ZMAT4: variants seen among roughly 807,000 people sequenced by gnomAD.
ZMAT4 encodes zinc finger matrin-type protein 4.
ZMAT4 carries 17 observed loss-of-function variants against 28.7 expected under a neutral mutation model. The observed-to-expected ratio is 0.59, with a 90% CI of 0.41 to 0.89. ZMAT4 has a LOEUF of 0.89. ZMAT4 is among the 40% of genes least tolerant of loss of function. The pLI is 0.00. For synonymous variants in ZMAT4, 117 were observed against 109.2 expected (o/e 1.07, Z -0.44); for missense variants, 240 against 283.8 (o/e 0.85, Z 1.11).
intron 6 of ZMAT4, among the ~76,000 whole-genome samples, chr8:40,562,033 G>A (rs1305761999): frequency 2.0e-5 from 3 of 152,112 alleles, no homozygotes; most frequent in Non-Finnish European, 2.9e-5. Flanking sequence ...CCTAGGGCAC[G>A]GTTCTTTCTC....
intron 6 of ZMAT4, among the ~76,000 whole-genome samples, chr8:40,539,746 TGTACAATAGA>T (rs1313396307): frequency 5.3e-5 from 8 of 152,236 alleles, no homozygotes; most frequent in Non-Finnish European, 7.3e-5. Flanking sequence ...ATGTAGCTCT[TGTACAATAGA>T]GTTTGTCAGG....
At chr8:40,703,108 G>T (rs1810215066) in intron 3 of ZMAT4, among the ~76,000 whole-genome samples, 1 of 152,108 alleles carries the variant, frequency 6.6e-6, no homozygotes, top group African/African-American at 2.4e-5. Flanking sequence ...TGTGACCAGA[G>T]GTCTCCCAGA....
chr8:40,760,680 ATCTC>A (rs35049635), intron 3 of ZMAT4, among the ~76,000 whole-genome samples: 1 of 142,484 alleles, frequency 7.0e-6, no homozygotes, highest in South Asian at 2.2e-4. Flanking sequence ...GACCGCAAAG[ATCTC>A]TCTCTCTCTC....
intron 6 of ZMAT4, among the ~76,000 whole-genome samples, chr8:40,578,368 T>C (rs1447693086): frequency 3.3e-5 from 5 of 152,100 alleles, no homozygotes; most frequent in Non-Finnish European, 5.9e-5. Context: ...ACTAGGTGGA[T>C]CAAAGACCTA....
chr8:40,632,839 A>G (rs1301429447), intron 5 of ZMAT4, among the ~76,000 whole-genome samples: 1 of 152,232 alleles, frequency 6.6e-6, no homozygotes, highest in African/African-American at 2.4e-5. Flanking sequence ...TAACTCATCA[A>G]AACTGTGATT....
chr8:40,661,520 A>C (rs151125978), intron 5 of ZMAT4, among the ~76,000 whole-genome samples: 2,477 of 152,366 alleles, frequency 0.016, 38 homozygotes, highest in Non-Finnish European at 0.021. Context: ...AATCACTTAG[A>C]GAATCCCATC....
In ZMAT4 at chr8:40,891,031, G is replaced by A. The variant is rs1030283036; in HGVS notation, c.-5+6652C>T. Among the ~76,000 whole-genome samples the A allele has an allele frequency of 7.9e-5, 12 of 151,094 alleles. 1 individual carries two copies. Among genetic ancestry groups the A allele is most frequent in the African/African-American group, 2.2e-4 (9 of 41,014 alleles). ...CTGACTATATTCCAGTAATGTCTGC[G>A]GCATCAAAATCGAGGGCGGGGGCTG... On this transcript the variant is annotated intron_variant, in intron 1 of 6. Coordinates refer to ENST00000297737, the MANE Select transcript of ZMAT4 (RefSeq NM_024645.3).
At chr8:40,762,299 T>C (rs749723000) in intron 3 of ZMAT4, among the ~76,000 whole-genome samples, 4 of 152,166 alleles carry the variant, frequency 2.6e-5, no homozygotes, top group African/African-American at 4.8e-5. Flanking sequence ...TTGGATTATA[T>C]TGGGCCATAA....
At chr8:40,787,168 T>C (rs1281929201) in intron 2 of ZMAT4, among the ~76,000 whole-genome samples, 2 of 152,212 alleles carry the variant, frequency 1.3e-5, no homozygotes, top group Non-Finnish European at 2.9e-5. Flanking sequence ...TAAATGCTTA[T>C]AATAGAAAAG....
chr8:40,790,312 T>A (rs184631589), intron 2 of ZMAT4, among the ~76,000 whole-genome samples: 2 of 152,190 alleles, frequency 1.3e-5, no homozygotes, highest in Admixed American at 6.5e-5. Flanking sequence ...TAACAATGGT[T>A]TTAAAAGCTT....
At chr8:40,612,895 C>T (rs1805851856) in intron 5 of ZMAT4, among the ~76,000 whole-genome samples, 1 of 150,532 alleles carries the variant, frequency 6.6e-6, no homozygotes, top group Non-Finnish European at 1.5e-5. Context: ...TCACTGCAAC[C>T]TCCGCCTGCC....
intron 4 of ZMAT4, among the ~76,000 whole-genome samples, chr8:40,694,131 G>T (rs1375683777): frequency 6.6e-6 from 1 of 152,094 alleles, no homozygotes; most frequent in African/African-American, 2.4e-5. Context: ...AGGCAGAGCG[G>T]TTCCTAGAGG....
intron 3 of ZMAT4, among the ~76,000 whole-genome samples, chr8:40,757,183 G>A (rs1247091580): frequency 3.3e-5 from 5 of 152,168 alleles, no homozygotes; most frequent in African/African-American, 1.2e-4. Context: ...AGTCTTACTT[G>A]GTTTGACCTC....
At chr8:40,545,702 C>A (rs926099042) in intron 6 of ZMAT4, among the ~76,000 whole-genome samples, 1 of 152,134 alleles carries the variant, frequency 6.6e-6, no homozygotes, top group Non-Finnish European at 1.5e-5. Context: ...TCTCTTGCAC[C>A]TTCAGAGGGA....
At chr8:40,595,537 C>A (rs573425074) in intron 5 of ZMAT4, among the ~76,000 whole-genome samples, 1 of 152,176 alleles carries the variant, frequency 6.6e-6, no homozygotes, top group South Asian at 2.1e-4. Flanking sequence ...TAAGGTATGG[C>A]CTATTGCTCT....
intron 5 of ZMAT4, among the ~76,000 whole-genome samples, chr8:40,611,972 T>C (rs1486010032): frequency 6.6e-6 from 1 of 152,162 alleles, no homozygotes; most frequent in Admixed American, 6.5e-5. Flanking sequence ...CCCACTGTCA[T>C]TGTTGAAAGG....
At chr8:40,823,421 G>T (rs1815901996) in intron 2 of ZMAT4, among the ~76,000 whole-genome samples, 1 of 152,154 alleles carries the variant, frequency 6.6e-6, no homozygotes, top group Non-Finnish European at 1.5e-5. Flanking sequence ...CACTTTGGGA[G>T]GCCAAGGTGA....
At chr8:40,592,021 TTTTG>T (rs750099716) in intron 5 of ZMAT4, among the ~76,000 whole-genome samples, 3 of 152,190 alleles carry the variant, frequency 2.0e-5, no homozygotes, top group African/African-American at 4.8e-5. Flanking sequence ...ACCCTGTTTC[TTTTG>T]TTTGTTTGTT....
Position 40,706,131 on chromosome 8 carries a change from C to T in ZMAT4, c.193-8730G>A, listed in dbSNP as rs1011939237. ...ACAGTGATGCGATCTCAGCTCACTGCGAACTCAGCCTCCCAGATTCAAGCG... is the reference window on the plus strand; with the variant it reads ...ACAGTGATGCGATCTCAGCTCACTGTGAACTCAGCCTCCCAGATTCAAGCG... On this transcript the variant is annotated intron_variant, in intron 3 of 6. Transcript: ENST00000297737. Among the ~76,000 whole-genome samples, 5 of 152,120 alleles carry T rather than the reference C, an allele frequency of 3.3e-5. No individual in the cohort carries two copies. The East Asian group carries it at 9.6e-4, about 29-fold the overall frequency.
Sources: gnomAD v4.1 joint callset for allele counts (sites outside exome capture counted in the v4.1 genomes callset) on GRCh38, gnomAD v4.1.1 for gene constraint, MANE v1.5 for transcripts, NCBI Gene and HGNC (gene_info 2026-07-23, HGNC 2026-07-21) for gene names.